Variants in CRACD observed in about 807,000 individuals in gnomAD.
CRACD encodes capping protein inhibiting regulator of actin dynamics.
CRACD carries 56 observed loss-of-function variants against 106.8 expected under a neutral mutation model. The ratio of observed to expected loss-of-function variants is 0.52; its 90% CI spans 0.42 to 0.66. The LOEUF (loss-of-function observed/expected upper bound fraction) is 0.66. Ranked by LOEUF, CRACD falls within the 30% of genes least tolerant of loss-of-function variation. The pLI is 0.00. For missense variants in CRACD, 1,730 were observed against 1,623.2 expected, an observed-to-expected ratio of 1.07 and a Z score of -1.13; for synonymous variants, 754 against 670.8, an observed-to-expected ratio of 1.12 and a Z score of -1.92.
At chr4:56,077,596 G>A (rs182631309) in intron 1 of CRACD, among the ~76,000 whole-genome samples, 262 of 152,298 alleles carry the variant, frequency 1.7e-3, no homozygotes, top group South Asian at 5.4e-3. Context: ...CTAGCAGTTC[G>A]TGGAGATGGG....
At chr4:56,258,377 GTA>G (rs775750682) in intron 2 of CRACD, among the ~76,000 whole-genome samples, 74 of 152,308 alleles carry the variant, frequency 4.9e-4, no homozygotes, top group Non-Finnish European at 7.1e-4. Context: ...CTTCTAAAAT[GTA>G]TAAAATCAAG....
rs1456787312 is a variant in CRACD, at chr4:56,209,476, A to G, written c.-189+30046A>G. 5.3e-5 allele frequency among the ~76,000 whole-genome samples: 8 copies of G among 152,272 alleles called. No individual in the cohort carries two copies. In the South Asian group the frequency reaches 1.7e-3, roughly 32 times the overall value. On this transcript the variant is annotated intron_variant, in intron 2 of 10. Coordinates refer to ENST00000682029, the MANE Select transcript of CRACD (RefSeq NM_001393381.1). Reference sequence around the variant, plus strand: ...TTTCTTACATCTAGTTGTTTTAATTACATATATTAACTACATGAACTCTTT... The same window carrying G: ...TTTCTTACATCTAGTTGTTTTAATTGCATATATTAACTACATGAACTCTTT...
chr4:56,113,073 G>C (rs545404449), intron 1 of CRACD, among the ~76,000 whole-genome samples: 80 of 152,280 alleles, frequency 5.3e-4, no homozygotes, highest in Admixed American at 4.6e-3. Flanking sequence ...CTGTACTGAG[G>C]TCAGTGGCAT....
At chr4:56,188,394 G>C (rs186136288) in intron 2 of CRACD, among the ~76,000 whole-genome samples, 149 of 152,092 alleles carry the variant, frequency 9.8e-4, no homozygotes, top group Middle Eastern at 6.8e-3. Context: ...GAACTACTTA[G>C]TGCTTGAGTT....
intron 1 of CRACD, among the ~76,000 whole-genome samples, chr4:56,107,626 C>T (rs1324844438): frequency 2.6e-5 from 4 of 152,174 alleles, no homozygotes; most frequent in African/African-American, 7.2e-5. Flanking sequence ...TGGCAATGAG[C>T]TGTCCTTCTT....
chr4:56,265,869 T>C (rs550951481), intron 2 of CRACD, among the ~76,000 whole-genome samples: 1 of 152,350 alleles, frequency 6.6e-6, no homozygotes, highest in East Asian at 1.9e-4. Flanking sequence ...AATTGGATGC[T>C]TTTATTATTG....
At chr4:56,130,937 C>T (rs1734807280) in intron 1 of CRACD, among the ~76,000 whole-genome samples, 1 of 152,080 alleles carries the variant, frequency 6.6e-6, no homozygotes, top group Non-Finnish European at 1.5e-5. Context: ...AGTCATTTGC[C>T]ACTTCTTGTG....
intron 2 of CRACD, among the ~76,000 whole-genome samples, chr4:56,181,854 CA>C (rs1736835656): frequency 6.6e-6 from 1 of 152,192 alleles, no homozygotes; most frequent in Non-Finnish European, 1.5e-5. Context: ...CACCCTACTT[CA>C]ATGTGACCTC....
intron 1 of CRACD, among the ~76,000 whole-genome samples, chr4:56,092,680 T>C (rs1733461351): frequency 6.6e-6 from 1 of 152,116 alleles, no homozygotes; most frequent in Admixed American, 6.5e-5. Context: ...TACATCGTTG[T>C]AGCCTTAAAC....
intron 2 of CRACD, among the ~76,000 whole-genome samples, chr4:56,256,564 A>G (rs1283538834): frequency 6.6e-6 from 1 of 152,178 alleles, no homozygotes; most frequent in Non-Finnish European, 1.5e-5. Flanking sequence ...TGAGCTGCCT[A>G]CTGTGAACTG....
intron 2 of CRACD, among the ~76,000 whole-genome samples, chr4:56,229,345 A>G (rs1647446061): frequency 6.6e-6 from 1 of 152,080 alleles, no homozygotes; most frequent in Admixed American, 6.6e-5. Context: ...CGAGGACACC[A>G]TGTTTGTCCC....
intron 1 of CRACD, among the ~76,000 whole-genome samples, chr4:56,148,809 A>AT (rs201226509): frequency 0.033 from 4,747 of 142,572 alleles, 202 homozygotes; most frequent in African/African-American, 0.1. Context: ...TTATCCTTAG[A>AT]TTTTTTTTTT....
chr4:56,302,846 T>A (rs1397013326), intron 4 of CRACD, among the ~76,000 whole-genome samples: 2 of 152,294 alleles, frequency 1.3e-5, no homozygotes, highest in South Asian at 2.1e-4. Flanking sequence ...GCCTTATAAA[T>A]ATGGATATGC....
At position 56,307,519 on chromosome 4, in the gene CRACD, T is replaced by G. The variant is rs1455559224; in HGVS notation, c.121-16T>G. The G allele has an allele frequency of 3.1e-6, 5 of 1,613,598 alleles. No homozygotes were observed. The highest frequency in any genetic ancestry group is 4.2e-6 in the Non-Finnish European group (5 of 1,179,784). ...GCTTCACTGCTTCAGAATGTCTTTC[T>G]TCTGTTTCTCTCCAGCAACAGTTGG... On this transcript the variant is annotated splice_polypyrimidine_tract_variant and intron_variant, in intron 4 of 10. Transcript: ENST00000682029.
At chr4:56,155,750 A>G (rs1439504081) in intron 1 of CRACD, among the ~76,000 whole-genome samples, 1 of 152,188 alleles carries the variant, frequency 6.6e-6, no homozygotes, top group Non-Finnish European at 1.5e-5. Context: ...GCAGTGCTGC[A>G]TATGAATTAG....
At position 56,174,337 on chromosome 4, in the gene CRACD, A is replaced by G. The variant is rs533475347; in HGVS notation, c.-335-4947A>G. Among the ~76,000 whole-genome samples, 4 of 152,330 alleles carry G rather than the reference A, an allele frequency of 2.6e-5. No individual in the cohort carries two copies. In the South Asian group the frequency reaches 6.2e-4, roughly 24 times the overall value. On this transcript the variant is annotated intron_variant, in intron 1 of 10. Transcript: ENST00000682029. ...TCCTGTCCTCCAGCTATTTTGATAT[A>G]TACAATAAATATTGTTAACTAAGTT...
intron 1 of CRACD, among the ~76,000 whole-genome samples, chr4:56,097,911 C>T (rs907091058): frequency 2.6e-5 from 4 of 151,850 alleles, no homozygotes; most frequent in African/African-American, 9.7e-5. Flanking sequence ...TTGGTGTATC[C>T]CTCTCCTGAA....
chr4:56,305,147 G>A lies in CRACD; in HGVS notation c.121-2388G>A, dbSNP rs374631086. ...AAGGCAGGAGGATCACTTGAGCCCA[G>A]GACATCCAGGCTGCAGTGAGCTATG... On this transcript the variant is annotated intron_variant, in intron 4 of 10. Coordinates refer to ENST00000682029, the MANE Select transcript of CRACD (RefSeq NM_001393381.1). 4.3e-4 allele frequency among the ~76,000 whole-genome samples: 65 copies of A among 152,268 alleles called. No homozygotes were observed. The South Asian group carries it at 0.013, about 31-fold the overall frequency.
rs142504390 is a variant in CRACD, at chr4:56,095,562, G to A, written c.-336+46263G>A. Among the ~76,000 whole-genome samples, 415 of 152,288 alleles carry A rather than the reference G, an allele frequency of 2.7e-3. 4 individuals carry two copies. The highest frequency in any genetic ancestry group is 9.4e-3 in the African/African-American group (389 of 41,566). On this transcript the variant is annotated intron_variant, in intron 1 of 10. Coordinates refer to ENST00000682029, the MANE Select transcript of CRACD (RefSeq NM_001393381.1). ...GTGAACCAAGCTGAGGACACAGTGT[G>A]TGGAAATGCTCCAAGGTGGGCTGCG... is the stretch of plus-strand genomic sequence containing the variant.
Sources: gnomAD v4.1 joint callset for allele counts (sites outside exome capture counted in the v4.1 genomes callset) on GRCh38, gnomAD v4.1.1 for gene constraint, MANE v1.5 for transcripts, NCBI Gene and HGNC (gene_info 2026-07-23, HGNC 2026-07-21) for gene names.